The following SEC14L3 variants were observed in gnomAD, a reference collection of about 807,000 sequenced individuals.
The protein encoded by SEC14L3 is SEC14-like protein 3.
SEC14L3 carries 56 observed loss-of-function variants against 57.4 expected under a neutral mutation model. The ratio of observed to expected loss-of-function variants is 0.97; its 90% CI spans 0.79 to 1.22. The LOEUF (loss-of-function observed/expected upper bound fraction) is 1.22. Ranked by LOEUF, SEC14L3 falls within the 50% of genes most tolerant of loss-of-function variation. The probability of loss-of-function intolerance (pLI) is 0.00; values close to 1 mark genes in which losing one functional copy is unlikely to be tolerated. For missense variants in SEC14L3, 485 were observed against 511.7 expected, an observed-to-expected ratio of 0.95 and a Z score of 0.50; for synonymous variants, 173 against 194.4, an observed-to-expected ratio of 0.89 and a Z score of 0.92.
chr22:30,451,390 G>A (rs1057321018), intron 12 of SEC14L3, among the ~76,000 whole-genome samples: 3 of 152,100 alleles, frequency 2.0e-5, no homozygotes, highest in Non-Finnish European at 4.4e-5. Flanking sequence ...CAAGTGGCAG[G>A]TCCGATGACA....
At chr22:30,471,582 T>G (rs1464742465) in intron 1 of SEC14L3, among the ~76,000 whole-genome samples, 1 of 152,158 alleles carries the variant, frequency 6.6e-6, no homozygotes, top group East Asian at 1.9e-4. Flanking sequence ...CTACCTATGG[T>G]GCCTGGGAGG....
chr22:30,471,844 C>A, intron 1 of SEC14L3, 61 bp downstream of exon 1: 3 of 1,610,718 alleles, frequency 1.9e-6, no homozygotes, highest in Non-Finnish European at 2.5e-6. Flanking sequence ...CCAGCCACTT[C>A]TTTCCACCCC....
rs959041755 is a variant in SEC14L3 at position 30,470,517 on chromosome 22, G to A, written c.120C>T (p.Arg40=). ...LPNPDDYFLL[R]WLRARNFDLQ... Reference sequence around the variant, plus strand: ...CACCTCTGCCCTCACCTCGGAGCCAGCGTAGAAGGAAATAATCATCAGGGT... The same window carrying A: ...CACCTCTGCCCTCACCTCGGAGCCAACGTAGAAGGAAATAATCATCAGGGT... Residue 40 remains arginine (R), a synonymous_variant, in exon 2 of 12, where the codon CGC becomes CGT. Coordinates refer to ENST00000215812, the MANE Select transcript of SEC14L3 (RefSeq NM_174975.5). 6.2e-6 allele frequency: 10 copies of A among 1,614,074 alleles called. No homozygotes were observed. In the African/African-American group the frequency reaches 8.0e-5, roughly 13 times the overall value.
chr22:30,470,432 A>G, intron 2 of SEC14L3, 75 bp downstream of exon 2: 1 of 1,607,292 alleles, frequency 6.2e-7, no homozygotes, highest in Non-Finnish European at 8.5e-7. Context: ...GAGAGCCATG[A>G]GACACTCTGG....
In SEC14L3 at chr22:30,462,097, A is replaced by C; in HGVS notation, c.760T>G (p.Cys254Gly). 1 of 1,614,064 alleles carries C rather than the reference A, an allele frequency of 6.2e-7. No homozygotes were observed. Among genetic ancestry groups the C allele is most frequent in the South Asian group, 1.1e-5 (1 of 91,052 alleles). Residue 254 changes from cysteine to glycine, a missense_variant, in exon 9 of 12, where the codon TGT (cysteine) becomes GGT (glycine). Physicochemically the swap from Cys to Gly is radical, Grantham distance 159. Transcript: ENST00000215812. ...AGGGCTCTTTGTACCTTGGTTAAAC[A>C]TTTGGGGTTCCCATCTGGGTCAGTC... ...TLTDPDGNPK[C>G]LTKINYGGEI...
downstream of SEC14L3, among the ~76,000 whole-genome samples, chr22:30,458,982 G>A (rs1199306593): frequency 6.6e-6 from 1 of 152,128 alleles, no homozygotes; most frequent in Non-Finnish European, 1.5e-5. Context: ...TCCAGCCTGG[G>A]TGGGCGACAG....
chr22:30,448,968 C>A (rs933281470), exon 13 of SEC14L3: 1 of 903,644 alleles, frequency 1.1e-6, no homozygotes, highest in Admixed American at 2.2e-5. Context: ...TATAGATAAC[C>A]CCTCTTAGAA....
chr22:30,471,812 A>G, intron 1 of SEC14L3, 93 bp downstream of exon 1: 2 of 1,555,484 alleles, frequency 1.3e-6, no homozygotes. Context: ...GACATGCTGA[A>G]TCAACTGAGT....
At position 30,448,566 on chromosome 22, in the gene SEC14L3, T is replaced by TA. The variant is rs10580243; in HGVS notation, c.*520dup. ...ACTAAACAAATGCCTTACATTCTCCTAAAAAAAAAAAAAAAAAAAGCCCAG... is the reference window on the plus strand; with the variant it reads ...ACTAAACAAATGCCTTACATTCTCCTAAAAAAAAAAAAAAAAAAAAGCCCAG... On this transcript the variant is annotated 3_prime_UTR_variant, in exon 13 of 13. Coordinates refer to the SEC14L3 transcript ENST00000403066. 620 of 118,068 alleles carry TA rather than the reference T, an allele frequency of 5.3e-3. 3 individuals carry two copies. Among genetic ancestry groups the TA allele is most frequent in the East Asian group, 0.012 (50 of 4,188 alleles). The allele number at this position is 118,068 out of a possible 1,614,324, so 7.3% of individuals were successfully genotyped here.
At chr22:30,460,506 C>A (rs1330187973) in intron 11 of SEC14L3, among the ~76,000 whole-genome samples, 1 of 152,172 alleles carries the variant, frequency 6.6e-6, no homozygotes, top group African/African-American at 2.4e-5. Context: ...GGCAGGCCTG[C>A]TGGACACTGT....
intron 5 of SEC14L3, among the ~76,000 whole-genome samples, 157 bp downstream of exon 5, chr22:30,468,351 C>T (rs1487463195): frequency 6.6e-6 from 1 of 151,902 alleles, no homozygotes; most frequent in African/African-American, 2.4e-5. Context: ...GTGACTGTGA[C>T]TTTTCAAGGC....
chr22:30,454,295 G>A (rs2146086390), downstream of SEC14L3, among the ~76,000 whole-genome samples: 1 of 151,956 alleles, frequency 6.6e-6, no homozygotes, highest in South Asian at 2.1e-4. Context: ...AGCTTAAGAG[G>A]CTCTGTTTTG....
chr22:30,450,649 CG>C (rs1189157315), intron 12 of SEC14L3, among the ~76,000 whole-genome samples: 1 of 152,094 alleles, frequency 6.6e-6, no homozygotes, highest in East Asian at 1.9e-4. Context: ...AAGACCTCTC[CG>C]TTTCAAGTTA....
chr22:30,449,081 C>A (rs186181230), exon 13 of SEC14L3: 1 of 1,550,522 alleles, frequency 6.4e-7, no homozygotes, highest in Non-Finnish European at 8.7e-7. Flanking sequence ...CTCACACAGA[C>A]AAAAATTAGT....
rs1410262345 is a variant in SEC14L3 at position 30,468,658 on chromosome 22, A to T, written c.273T>A (p.Tyr91Ter). The stretch of plus-strand genomic sequence containing the variant: ...ACCACACGGGGCAGCCATCACGGTC[A>T]TAGCCACACAGGCCCCCAGGCATGT... ...QKYMPGGLCG[Y>*]DRDGCPVWYD... Residue 91 changes from tyrosine to a stop codon, truncating the protein, a stop_gained, in exon 5 of 12, where the codon TAT becomes TAA. Coordinates refer to ENST00000215812, the MANE Select transcript of SEC14L3 (RefSeq NM_174975.5). LOFTEE classifies it high-confidence loss of function. 1 of 1,613,998 alleles carries T rather than the reference A, an allele frequency of 6.2e-7. No individual in the cohort carries two copies. Among genetic ancestry groups the T allele is most frequent in the South Asian group, 1.1e-5 (1 of 91,060 alleles).
chr22:30,452,002 AAAAAAAAG>A (rs1340742431), intron 12 of SEC14L3, among the ~76,000 whole-genome samples: 5 of 145,306 alleles, frequency 3.4e-5, no homozygotes, highest in Admixed American at 1.4e-4. Context: ...AAAAAAAAAA[AAAAAAAAG>A]AAAAAAGAAA....
intron 9 of SEC14L3, 102 bp downstream of exon 9, chr22:30,461,984 C>G: frequency 1.6e-6 from 2 of 1,272,240 alleles, no homozygotes; most frequent in Non-Finnish European, 2.2e-6. Context: ...ACACCCAGTT[C>G]TTGGCATCTC....
chr22:30,468,280 A>G (rs2146121170), intron 5 of SEC14L3, among the ~76,000 whole-genome samples: 1 of 93,522 alleles, frequency 1.1e-5, no homozygotes, highest in South Asian at 4.9e-4. Context: ...CTCTGTCTCA[A>G]GCAAAAAAAA....
intron 12 of SEC14L3, among the ~76,000 whole-genome samples, chr22:30,452,317 C>T (rs570278089): frequency 6.9e-6 from 1 of 144,822 alleles, no homozygotes; most frequent in South Asian, 2.2e-4. Flanking sequence ...GGTGCAAACT[C>T]GGCTCACTGC....
Sources: gnomAD v4.1 joint callset for allele counts (sites outside exome capture counted in the v4.1 genomes callset) on GRCh38, gnomAD v4.1.1 for gene constraint, MANE v1.5 for transcripts, NCBI Gene and HGNC (gene_info 2026-07-23, HGNC 2026-07-21) for gene names.